GUCY1A1: variants seen among roughly 807,000 people sequenced by gnomAD.
GUCY1A1 encodes the protein guanylate cyclase soluble subunit alpha-1.
Under a neutral mutation model 64.5 loss-of-function variants are expected in GUCY1A1, and 48 were observed. The ratio of observed to expected loss-of-function variants is 0.74; its 90% confidence interval spans 0.59 to 0.95. The LOEUF (loss-of-function observed/expected upper bound fraction) is 0.95. Ranked by LOEUF, GUCY1A1 falls within the 40% of genes least tolerant of loss-of-function variation. The pLI, the probability that GUCY1A1 is intolerant of heterozygous loss-of-function variation, is 0.00. For missense variants in GUCY1A1, 804 were observed against 825.3 expected (o/e 0.97, Z 0.32); for synonymous variants, 308 against 303.4 (o/e 1.02, Z -0.16).
At chr4:155,687,122 A>G (rs1729101092) in intron 2 of GUCY1A1, among the ~76,000 whole-genome samples, 1 of 152,214 alleles carries the variant, frequency 6.6e-6, no homozygotes, top group African/African-American at 2.4e-5. Flanking sequence ...TCTTTCTGAG[A>G]AGCTAGAATA....
chr4:155,715,470 C>G lies in GUCY1A1; in HGVS notation c.1573-1689C>G, dbSNP rs111659733. Among the ~76,000 whole-genome samples, 8 of 152,202 alleles carry G rather than the reference C, an allele frequency of 5.3e-5. No homozygotes were observed. In the South Asian group the frequency reaches 1.7e-3, roughly 32 times the overall value. ...TATCCAGCATTTGCCAGCATGGGTG[C>G]GCAGTGGCTACAGAGCTAGAGGGTA... is the stretch of plus-strand genomic sequence containing the variant. On this transcript the variant is annotated intron_variant, in intron 7 of 9. Transcript: ENST00000506455.
At chr4:155,717,374 G>A in intron 8 of GUCY1A1, 72 bp downstream of exon 8, 1 of 1,142,908 alleles carries the variant, frequency 8.7e-7, no homozygotes, top group Non-Finnish European at 1.2e-6. Flanking sequence ...CAAAACCATG[G>A]TGTATCAGTT....
In GUCY1A1 at chr4:155,666,904, C is replaced by A. The variant is rs188126742; in HGVS notation, c.-248C>A. On this transcript the variant is annotated 5_prime_UTR_variant, in exon 1 of 10. Transcript: ENST00000506455. ...CTGGAACAGACCCAGGCGGAGGACACCTGTGGGGGAGGGAGCGCCTGGAGG... is the reference window on the plus strand; with the variant it reads ...CTGGAACAGACCCAGGCGGAGGACAACTGTGGGGGAGGGAGCGCCTGGAGG... 9.2e-5 allele frequency: 14 copies of A among 152,392 alleles called. No individual in the cohort carries two copies. The East Asian group carries it at 2.7e-3, about 30-fold the overall frequency. 9.4% of individuals were successfully genotyped at this position (152,392 alleles called of 1,614,324 possible).
At chr4:155,730,007 G>A (rs1448422739) in intron 9 of GUCY1A1, 23 bp from the exon 10 acceptor site, 4 of 1,390,956 alleles carry the variant, frequency 2.9e-6, no homozygotes, top group Admixed American at 1.7e-5. Flanking sequence ...ATTTATGTCA[G>A]TATTATATTT....
rs1418560810 is a variant in GUCY1A1 at position 155,717,194 on chromosome 4, G to C, written c.1608G>C (p.Gly536=). The C allele has an allele frequency of 6.5e-7, 1 of 1,548,660 alleles. No homozygotes were observed. The highest frequency in any genetic ancestry group is 1.2e-5 in the South Asian group (1 of 81,556). The change falls in exon 8 of 10, where the codon GGG becomes GGC. Residue 536 remains glycine (G), a synonymous_variant. Transcript: ENST00000506455. The stretch of plus-strand genomic sequence containing the variant: ...TTGGCGATGCCTATTGTGTAGCTGG[G>C]GGATTACACAAAGAGAGTGATACTC... The part of the protein sequence containing the change: ...ETIGDAYCVA[G]GLHKESDTHA...
intron 2 of GUCY1A1, among the ~76,000 whole-genome samples, chr4:155,674,257 A>G (rs1734566313): frequency 1.3e-5 from 2 of 151,274 alleles, no homozygotes; most frequent in Admixed American, 1.3e-4. Flanking sequence ...CGGGAGGCTG[A>G]CGCAGAGAAT....
chr4:155,717,890 A>G (rs1379903845), intron 8 of GUCY1A1, among the ~76,000 whole-genome samples: 1 of 152,234 alleles, frequency 6.6e-6, no homozygotes, highest in Non-Finnish European at 1.5e-5. Context: ...CATCTGATTT[A>G]CCAAGCCTAA....
chr4:155,713,069 A>G (rs1732781694), intron 6 of GUCY1A1, 29 bp from the exon 7 acceptor site: 3 of 1,562,642 alleles, frequency 1.9e-6, no homozygotes, highest in African/African-American at 1.4e-5. Context: ...ACTTGAATAA[A>G]CCACAATTGG....
intron 2 of GUCY1A1, among the ~76,000 whole-genome samples, chr4:155,695,777 T>C (rs182748799): frequency 8.9e-4 from 135 of 152,322 alleles, no homozygotes; most frequent in African/African-American, 3.1e-3. Flanking sequence ...ACTTAGTACA[T>C]GTGGGGATTA....
intron 2 of GUCY1A1, among the ~76,000 whole-genome samples, chr4:155,693,264 C>G (rs1432693504): frequency 1.3e-5 from 2 of 152,118 alleles, no homozygotes; most frequent in Non-Finnish European, 2.9e-5. Flanking sequence ...GTTTAATTAT[C>G]AACTTTTGGA....
chr4:155,698,193 T>C (rs1378156716), intron 3 of GUCY1A1, among the ~76,000 whole-genome samples: 1 of 152,102 alleles, frequency 6.6e-6, no homozygotes, highest in Admixed American at 6.6e-5. Context: ...CTGTAAACAG[T>C]CCAGGCTGGA....
At chr4:155,682,597 G>A (rs143910976) in intron 2 of GUCY1A1, among the ~76,000 whole-genome samples, 122 of 152,068 alleles carry the variant, frequency 8.0e-4, no homozygotes, top group African/African-American at 2.7e-3. Flanking sequence ...GCTTGAAACC[G>A]GGAGGTGGAG....
chr4:155,696,996 C>T lies in GUCY1A1; in HGVS notation c.129C>T (p.Thr43=), dbSNP rs201718982. 358 of 1,613,724 alleles carry T rather than the reference C, an allele frequency of 2.2e-4. No individual in the cohort carries two copies. The highest frequency in any genetic ancestry group is 3.3e-4 in the Middle Eastern group (2 of 6,062). Reference sequence around the variant, plus strand: ...GAAGCTCAGAGAGCTGCAAAGCAACCGTGCCCATCTGTCAAGACATTCCTG... The same window carrying T: ...GAAGCTCAGAGAGCTGCAAAGCAACTGTGCCCATCTGTCAAGACATTCCTG... ...AAGSSESCKA[T]VPICQDIPEK... The change falls in exon 3 of 10, where the codon ACC becomes ACT. Residue 43 remains threonine (T), a synonymous_variant. Coordinates refer to ENST00000506455, the MANE Select transcript of GUCY1A1 (RefSeq NM_001130682.3).
intron 8 of GUCY1A1, among the ~76,000 whole-genome samples, chr4:155,718,960 A>G (rs997467839): frequency 5.3e-5 from 8 of 152,162 alleles, no homozygotes; most frequent in Admixed American, 1.3e-4. Flanking sequence ...GAGGAGGACT[A>G]TATATTTCTT....
intron 3 of GUCY1A1, among the ~76,000 whole-genome samples, chr4:155,699,805 A>G (rs537490225): frequency 6.6e-6 from 1 of 152,264 alleles, no homozygotes; most frequent in South Asian, 2.1e-4. Flanking sequence ...TTGACATCAC[A>G]ATTTTTGTTT....
intron 2 of GUCY1A1, among the ~76,000 whole-genome samples, chr4:155,668,564 AC>A (rs1199708118): frequency 6.6e-6 from 1 of 152,202 alleles, no homozygotes; most frequent in Non-Finnish European, 1.5e-5. Flanking sequence ...CTTTGTACAA[AC>A]GTCAAACTTT....
At chr4:155,679,622 G>A (rs924540513) in intron 2 of GUCY1A1, among the ~76,000 whole-genome samples, 1 of 152,156 alleles carries the variant, frequency 6.6e-6, no homozygotes, top group African/African-American at 2.4e-5. Flanking sequence ...ATTCATGAGG[G>A]ATCTGCCCAA....
chr4:155,717,408 G>A, intron 8 of GUCY1A1, 106 bp downstream of exon 8: 3 of 649,426 alleles, frequency 4.6e-6, no homozygotes, highest in Non-Finnish European at 6.9e-6. Flanking sequence ...GAGAGAGAGA[G>A]AAAGCAAAAT....
intron 2 of GUCY1A1, among the ~76,000 whole-genome samples, chr4:155,688,833 A>T (rs1163152266): frequency 2.6e-5 from 4 of 152,156 alleles, no homozygotes; most frequent in Non-Finnish European, 5.9e-5. Context: ...ATAAAAGTTT[A>T]GTTAAAAGAT....
Sources: allele counts gnomAD v4.1 joint callset (sites outside exome capture counted in the v4.1 genomes callset), GRCh38; gene constraint gnomAD v4.1.1; transcripts MANE v1.5; gene names NCBI Gene and HGNC (gene_info 2026-07-23, HGNC 2026-07-21).